The following RANBP17 variants were observed in gnomAD, a reference collection of about 807,000 sequenced individuals.
The protein encoded by RANBP17 is ran-binding protein 17.
Under a neutral mutation model 141.2 loss-of-function variants are expected in RANBP17, and 158 were observed. The ratio of observed to expected loss-of-function variants is 1.12; its 90% CI spans 0.98 to 1.28. The LOEUF is 1.28. RANBP17 is among the 50% of genes most tolerant of loss of function. The pLI, the probability that RANBP17 is intolerant of heterozygous loss-of-function variation, is 0.00. For synonymous variants in RANBP17, 430 were observed against 450.0 expected (o/e 0.96, Z 0.56); for missense variants, 1,438 against 1,290.7 (o/e 1.11, Z -1.75).
chr5:171,025,722 A>G (rs1781193631), intron 14 of RANBP17, among the ~76,000 whole-genome samples: 1 of 151,894 alleles, frequency 6.6e-6, no homozygotes, highest in African/African-American at 2.4e-5. Flanking sequence ...GACTACAGGT[A>G]CATGCCCAAG....
intron 12 of RANBP17, among the ~76,000 whole-genome samples, chr5:170,950,694 A>G (rs1388948317): frequency 6.6e-6 from 1 of 152,214 alleles, no homozygotes; most frequent in African/African-American, 2.4e-5. Context: ...AATGAAAAAT[A>G]GAACTACCGT....
chr5:171,091,555 G>A (rs561908572), intron 14 of RANBP17, among the ~76,000 whole-genome samples: 107 of 152,282 alleles, frequency 7.0e-4, no homozygotes, highest in Non-Finnish European at 1.3e-3. Flanking sequence ...TGAAATGTAA[G>A]GACATGAGAT....
chr5:171,242,312 C>A (rs550514534), intron 23 of RANBP17, among the ~76,000 whole-genome samples: 3 of 152,142 alleles, frequency 2.0e-5, no homozygotes, highest in African/African-American at 4.8e-5. Flanking sequence ...GTGCCAAATC[C>A]CATTATAACA....
chr5:170,876,333 C>T (rs554295557), intron 1 of RANBP17, among the ~76,000 whole-genome samples: 8 of 152,120 alleles, frequency 5.3e-5, no homozygotes, highest in Non-Finnish European at 1.2e-4. Context: ...TTTGGTTCTT[C>T]TCAGTGGGAG....
chr5:171,284,150 C>G (rs1768018211), intron 25 of RANBP17, among the ~76,000 whole-genome samples: 1 of 152,068 alleles, frequency 6.6e-6, no homozygotes, highest in African/African-American at 2.4e-5. Context: ...TGCTTGTAGC[C>G]ATCTCTGTGA....
chr5:170,997,680 ATTCAGTATGAAC>A (rs2127572956), intron 14 of RANBP17, among the ~76,000 whole-genome samples: 2 of 152,296 alleles, frequency 1.3e-5, no homozygotes, highest in East Asian at 3.9e-4. Flanking sequence ...TTCTGTTTAA[ATTCAGTATGAAC>A]AGACTCACAT....
chr5:170,877,001 T>C (rs1314294865), intron 1 of RANBP17, among the ~76,000 whole-genome samples: 1 of 152,092 alleles, frequency 6.6e-6, no homozygotes, highest in Non-Finnish European at 1.5e-5. Flanking sequence ...AACAAAAAAA[T>C]TTTTTGGAGA....
At chr5:171,245,109 A>G (rs1246701789) in intron 24 of RANBP17, among the ~76,000 whole-genome samples, 2 of 151,988 alleles carry the variant, frequency 1.3e-5, no homozygotes, top group East Asian at 3.9e-4. Context: ...AGCCTGGGCA[A>G]CAGAGCAAGA....
At chr5:170,899,036 G>C (rs1416241521) in intron 5 of RANBP17, among the ~76,000 whole-genome samples, 1 of 152,152 alleles carries the variant, frequency 6.6e-6, no homozygotes, top group Non-Finnish European at 1.5e-5. Context: ...ATTTAAAGTA[G>C]TTTTTTCTAA....
At chr5:170,912,312 T>G (rs1340564462) in intron 7 of RANBP17, among the ~76,000 whole-genome samples, 1 of 151,880 alleles carries the variant, frequency 6.6e-6, no homozygotes, top group African/African-American at 2.4e-5. Context: ...TCAATGTGAG[T>G]TTCCTCGTTG....
chr5:170,894,716 A>G (rs1447866929), intron 4 of RANBP17, among the ~76,000 whole-genome samples: 1 of 151,944 alleles, frequency 6.6e-6, no homozygotes, highest in African/African-American at 2.4e-5. Flanking sequence ...GCCACACTCC[A>G]AACATACTTA....
intron 12 of RANBP17, among the ~76,000 whole-genome samples, chr5:170,946,748 T>C (rs1774799731): frequency 6.6e-6 from 1 of 152,168 alleles, no homozygotes; most frequent in Non-Finnish European, 1.5e-5. Flanking sequence ...TTATCTAACA[T>C]GTGTTTTCTA....
chr5:170,973,489 A>G (rs1231086971), intron 14 of RANBP17, among the ~76,000 whole-genome samples: 1 of 152,202 alleles, frequency 6.6e-6, no homozygotes, highest in Non-Finnish European at 1.5e-5. Context: ...GAATCAGAAA[A>G]CACAATAGAC....
intron 27 of RANBP17, among the ~76,000 whole-genome samples, chr5:171,296,569 C>A (rs1230722170): frequency 1.3e-5 from 2 of 152,188 alleles, no homozygotes; most frequent in East Asian, 1.9e-4. Flanking sequence ...GTGCATATAA[C>A]AAAATATTGC....
At chr5:171,158,485 C>T (rs1759059616) in intron 14 of RANBP17, 1 of 185,182 alleles carries the variant, frequency 5.4e-6, no homozygotes. Flanking sequence ...TGGAAAATCT[C>T]CTATGCCCAG....
chr5:170,919,420 T>G (rs1439704199), intron 10 of RANBP17, 21 bp from the exon 11 acceptor site: 1 of 1,484,716 alleles, frequency 6.7e-7, no homozygotes, highest in Admixed American at 2.3e-5. Context: ...TTTAAATAAC[T>G]TCTGCTTTAT....
At chr5:171,292,998 A>T (rs1438685191) in intron 25 of RANBP17, among the ~76,000 whole-genome samples, 3 of 152,064 alleles carry the variant, frequency 2.0e-5, no homozygotes, top group Admixed American at 6.6e-5. Context: ...TGTCATGCTA[A>T]GTTTCTTACC....
intron 14 of RANBP17, among the ~76,000 whole-genome samples, chr5:171,090,433 G>C (rs1786161044): frequency 6.6e-6 from 1 of 152,176 alleles, no homozygotes; most frequent in Admixed American, 6.5e-5. Context: ...GCTGTTAAAG[G>C]CATTCAGTTT....
intron 14 of RANBP17, among the ~76,000 whole-genome samples, chr5:170,999,332 T>C (rs2127574871): frequency 6.6e-6 from 1 of 152,226 alleles, no homozygotes; most frequent in Non-Finnish European, 1.5e-5. Flanking sequence ...AGTTTTTCAA[T>C]TGGTATAAGC....
Sources: allele counts gnomAD v4.1 joint callset (sites outside exome capture counted in the v4.1 genomes callset), GRCh38; gene constraint gnomAD v4.1.1; transcripts MANE v1.5; gene names NCBI Gene and HGNC (gene_info 2026-07-23, HGNC 2026-07-21).